FLYWCH2: variants seen among roughly 807,000 people sequenced by gnomAD.
FLYWCH2 encodes the protein FLYWCH family member 2.
In FLYWCH2, 2 loss-of-function variants were observed where a neutral mutation model predicts 6.0. The observed-to-expected ratio is 0.33, with a 90% CI of 0.14 to 1.04. FLYWCH2 has a LOEUF of 1.04. FLYWCH2 is among the 50% of genes least tolerant of loss of function. FLYWCH2 has a pLI of 0.45. For missense variants in FLYWCH2, 192 were observed against 183.4 expected (o/e 1.05, Z -0.27); for synonymous variants, 87 against 79.3 (o/e 1.10, Z -0.52).
intron 1 of FLYWCH2, among the ~76,000 whole-genome samples, chr16:2,888,638 T>G (rs1415804560): frequency 1.3e-4 from 20 of 152,134 alleles, no homozygotes; most frequent in Admixed American, 1.1e-3. Context: ...AACAATGTCA[T>G]GATCTTCTTG....
intron 3 of FLYWCH2, 183 bp from the exon 4 acceptor site, chr16:2,898,866 C>A: frequency 2.0e-6 from 1 of 490,658 alleles, no homozygotes; most frequent in Non-Finnish European, 3.6e-6. Context: ...CTTTTGTGGC[C>A]CTGGCCTGGT....
chr16:2,894,472 C>G (rs539075827), intron 1 of FLYWCH2, among the ~76,000 whole-genome samples: 2 of 152,172 alleles, frequency 1.3e-5, no homozygotes, highest in African/African-American at 4.8e-5. Flanking sequence ...TGAAGCAGGG[C>G]GCTATGTGGT....
At chr16:2,892,346 A>G (rs1029821199) in intron 1 of FLYWCH2, among the ~76,000 whole-genome samples, 4 of 151,674 alleles carry the variant, frequency 2.6e-5, no homozygotes, top group Non-Finnish European at 4.4e-5. Flanking sequence ...AATACAAAAA[A>G]TTAGCCGGGC....
chr16:2,891,549 C>T (rs1028195956), intron 1 of FLYWCH2, among the ~76,000 whole-genome samples: 81 of 152,106 alleles, frequency 5.3e-4, no homozygotes, highest in Non-Finnish European at 9.3e-4. Context: ...GGACTACAGG[C>T]GCCCGCCACC....
At position 2,899,046 on chromosome 16, in the gene FLYWCH2, C is replaced by T. The variant is rs926278418; in HGVS notation, c.323-3C>T. 1 of 1,609,090 alleles carries T rather than the reference C, an allele frequency of 6.2e-7. No homozygotes were observed. On this transcript the variant is annotated splice_polypyrimidine_tract_variant and splice_region_variant and intron_variant, in intron 3 of 3. Transcript: ENST00000396958. ...CAGCCTGATCCACCCTCTTCTCTCG[C>T]AGGCACAGACAGAACAGAAGACAGT...
chr16:2,896,402 C>G lies in FLYWCH2; in HGVS notation c.-48C>G, dbSNP rs761558856. 1 of 1,545,822 alleles carries G rather than the reference C, an allele frequency of 6.5e-7. No homozygotes were observed. The highest frequency in any genetic ancestry group is 1.4e-5 in the African/African-American group (1 of 72,848). On this transcript the variant is annotated 5_prime_UTR_variant, in exon 3 of 4. Coordinates refer to ENST00000396958, the MANE Select transcript of FLYWCH2 (RefSeq NM_138439.3). ...CTTGCCTGGGAGTAGGAGAAATCCA[C>G]CTGCTGGGGGCTGAGTGTGGCCTGA...
chr16:2,896,332 GATTTTGC>G lies in FLYWCH2; in HGVS notation c.-98-19_-98-13del. ...TCCCAAGGGCTTCCACCACTGACGG[GATTTTGC>G]TTCCTTCCTTAGGACGGAACCGCTG... On this transcript the variant is annotated splice_polypyrimidine_tract_variant and intron_variant, in intron 2 of 3. Coordinates refer to ENST00000396958, the MANE Select transcript of FLYWCH2 (RefSeq NM_138439.3). 2 of 1,327,606 alleles carry G rather than the reference GATTTTGC, an allele frequency of 1.5e-6. No individual in the cohort carries two copies. The highest frequency in any genetic ancestry group is 2.0e-6 in the Non-Finnish European group (2 of 999,788). The allele number at this position is 1,327,606 out of a possible 1,614,324, so 82.2% of individuals were successfully genotyped here. A position where few individuals can be genotyped will look rare whatever the true frequency, so the allele number is the denominator to read the frequency against.
At chr16:2,885,968 G>T (rs1024213312) in intron 1 of FLYWCH2, among the ~76,000 whole-genome samples, 4 of 152,064 alleles carry the variant, frequency 2.6e-5, no homozygotes, top group African/African-American at 9.7e-5. Context: ...GAGGGTTCCA[G>T]TTTCTCCTCA....
At chr16:2,885,072 C>T (rs1373411464) in intron 1 of FLYWCH2, among the ~76,000 whole-genome samples, 2 of 152,114 alleles carry the variant, frequency 1.3e-5, no homozygotes, top group African/African-American at 2.4e-5. Context: ...CCTGTTATCC[C>T]AGCACTTTGG....
chr16:2,891,319 T>C (rs1034709), intron 1 of FLYWCH2, among the ~76,000 whole-genome samples: 130,124 of 152,248 alleles, frequency 0.85, 55,861 homozygotes, highest in Non-Finnish European at 0.88. Flanking sequence ...GGACCAAGGA[T>C]GTGGCTCTGG....
chr16:2,896,215 A>G (rs1326974744), intron 2 of FLYWCH2, 137 bp from the exon 3 acceptor site: 2 of 548,296 alleles, frequency 3.6e-6, no homozygotes, highest in East Asian at 3.0e-5. Flanking sequence ...GCAGAAGCCT[A>G]GTTCCATCAG....
At position 2,899,273 on chromosome 16, in the gene FLYWCH2, T is replaced by TC; in HGVS notation, c.*124_*125insC. The TC allele has an allele frequency of 1.8e-6, 1 of 566,848 alleles. No individual in the cohort carries two copies. The highest frequency in any genetic ancestry group is 3.0e-6 in the Non-Finnish European group (1 of 338,660). 35.1% of individuals were successfully genotyped at this position (566,848 alleles called of 1,614,324 possible). ...AACATTGTGTGATTTCTTTTCTTTT[T>TC]TTTTTTTTTTTTAGATCAAGTATAA... On this transcript the variant is annotated 3_prime_UTR_variant, in exon 4 of 4. Coordinates refer to ENST00000396958, the MANE Select transcript of FLYWCH2 (RefSeq NM_138439.3).
intron 1 of FLYWCH2, among the ~76,000 whole-genome samples, chr16:2,894,447 T>C (rs2069794488): frequency 6.6e-6 from 1 of 152,122 alleles, no homozygotes; most frequent in South Asian, 2.1e-4. Flanking sequence ...ACGTGCGCCG[T>C]AGCCAATCAG....
Position 2,892,902 on chromosome 16 carries a change from CATATA to C in FLYWCH2, c.-199-2312_-199-2308del, listed in dbSNP as rs1025629238. 8.7e-4 allele frequency among the ~76,000 whole-genome samples: 36 copies of C among 41,314 alleles called. No homozygotes were observed. The South Asian group carries it at 0.01, about 12-fold the overall frequency. The allele number at this position is 41,314 out of a possible 152,430, so 27.1% of individuals were successfully genotyped here. ...TATATAATATATAATGTATATATGT[CATATA>C]ATATATATTATATATGTCATATATA... is the stretch of plus-strand genomic sequence containing the variant. On this transcript the variant is annotated intron_variant, in intron 1 of 3. Coordinates refer to ENST00000396958, the MANE Select transcript of FLYWCH2 (RefSeq NM_138439.3).
chr16:2,891,729 T>C (rs2069760344), intron 1 of FLYWCH2, among the ~76,000 whole-genome samples: 1 of 151,688 alleles, frequency 6.6e-6, no homozygotes, highest in African/African-American at 2.4e-5. Flanking sequence ...ATTTAATTTG[T>C]TTATTTTTTA....
At chr16:2,893,884 C>T (rs1376255623) in intron 1 of FLYWCH2, among the ~76,000 whole-genome samples, 1 of 151,874 alleles carries the variant, frequency 6.6e-6, no homozygotes, top group African/African-American at 2.4e-5. Flanking sequence ...GTGATCCGCC[C>T]GCCTCGGCCT....
chr16:2,897,840 C>T (rs1325711921), intron 3 of FLYWCH2, among the ~76,000 whole-genome samples: 1 of 152,188 alleles, frequency 6.6e-6, no homozygotes, highest in Non-Finnish European at 1.5e-5. Context: ...GGAGATGGGG[C>T]AGGGGGCTGC....
intron 3 of FLYWCH2, 161 bp from the exon 4 acceptor site, chr16:2,898,888 C>T: frequency 1.9e-6 from 1 of 517,602 alleles, no homozygotes; most frequent in Non-Finnish European, 3.4e-6. Flanking sequence ...GCCTTGGGAG[C>T]AGCGTCCCTG....
chr16:2,896,533 C>G lies in FLYWCH2; in HGVS notation c.84C>G (p.Val28=). 1 of 1,614,180 alleles carries G rather than the reference C, an allele frequency of 6.2e-7. No homozygotes were observed. The highest frequency in any genetic ancestry group is 8.5e-7 in the Non-Finnish European group (1 of 1,180,028). The part of the protein sequence containing the change: ...QEPSPKPGTE[V]IPAAPRKPRK... ...CATCCCCCAAGCCAGGCACAGAAGT[C>G]ATCCCGGCAGCCCCCAGGAAGCCCA... is the stretch of plus-strand genomic sequence containing the variant. The change falls in exon 3 of 4, where the codon GTC becomes GTG. Residue 28 remains valine, a synonymous_variant. Transcript: ENST00000396958.
Sources: gnomAD v4.1 joint callset for allele counts (sites outside exome capture counted in the v4.1 genomes callset) on GRCh38, gnomAD v4.1.1 for gene constraint, MANE v1.5 for transcripts, NCBI Gene and HGNC (gene_info 2026-07-23, HGNC 2026-07-21) for gene names.